Variants in LRGUK observed in about 807,000 individuals in gnomAD.
The protein encoded by LRGUK is leucine rich repeats and guanylate kinase domain containing, also known as leucine-rich repeat and guanylate kinase domain-containing protein.
LRGUK carries 65 observed loss-of-function variants against 76.0 expected under a neutral mutation model. That is an observed-to-expected ratio of 0.85 (90% CI 0.70 to 1.05). LRGUK has a LOEUF of 1.05. Ranked by LOEUF, LRGUK falls within the 50% of genes least tolerant of loss-of-function variation. The pLI is 0.00. For missense variants in LRGUK, 758 were observed against 732.8 expected, an observed-to-expected ratio of 1.03 and a Z score of -0.40; for synonymous variants, 268 against 265.6, an observed-to-expected ratio of 1.01 and a Z score of -0.09.
downstream of LRGUK, chr7:134,210,338 GC>G: frequency 2.5e-6 from 1 of 398,372 alleles, no homozygotes; most frequent in Non-Finnish European, 4.4e-6. Context: ...TTCCTGAGCC[GC>G]CCCACGCCGA....
intron 16 of LRGUK, among the ~76,000 whole-genome samples, chr7:134,223,269 C>G (rs1014382864): frequency 1.3e-5 from 2 of 152,176 alleles, no homozygotes; most frequent in Non-Finnish European, 2.9e-5. Flanking sequence ...CAACTTCCTT[C>G]CATCTCTTTA....
intron 6 of LRGUK, among the ~76,000 whole-genome samples, chr7:134,160,877 C>A (rs929022356): frequency 6.6e-6 from 1 of 152,158 alleles, no homozygotes; most frequent in African/African-American, 2.4e-5. Context: ...GTTTCAGAAG[C>A]TGGATGTCCA....
intron 8 of LRGUK, among the ~76,000 whole-genome samples, chr7:134,176,534 C>T (rs988908678): frequency 6.6e-6 from 1 of 152,016 alleles, no homozygotes; most frequent in African/African-American, 2.4e-5. Flanking sequence ...CACCTGCCAC[C>T]ATGCCTGGCT....
rs111984336 is a variant in LRGUK at position 134,202,363 on chromosome 7, A to G, written c.1843+787A>G. ...AACAGGTGTTGGCAAGGATGTGGAG[A>G]AATTGGAACCCTTGTGTGCTATTGG... On this transcript the variant is annotated intron_variant, in intron 15 of 15. Transcript: ENST00000645682. 7.9e-5 allele frequency among the ~76,000 whole-genome samples: 12 copies of G among 152,250 alleles called. 1 individual carries two copies. Among genetic ancestry groups the G allele is most frequent in the African/African-American group, 2.9e-4 (12 of 41,546 alleles).
Position 134,197,125 on chromosome 7 carries a change from C to A in LRGUK, c.1545+20C>A. On this transcript the variant is annotated intron_variant, in intron 13 of 15. Transcript: ENST00000645682. ...ATAGAAGTAAGTGTTTTCATTCAAC[C>A]AATTAATGTGTGTGTAGTTTGTGTG... The A allele has an allele frequency of 1.4e-6, 2 of 1,392,894 alleles. No individual in the cohort carries two copies. The highest frequency in any genetic ancestry group is 2.0e-6 in the Non-Finnish European group (2 of 980,202). The allele number at this position is 1,392,894 out of a possible 1,614,324, so 86.3% of individuals were successfully genotyped here. A position where few individuals can be genotyped will look rare whatever the true frequency, so the allele number is the denominator to read the frequency against.
intron 2 of LRGUK, among the ~76,000 whole-genome samples, chr7:134,138,698 C>T (rs974413083): frequency 1.3e-5 from 2 of 152,118 alleles, no homozygotes; most frequent in Non-Finnish European, 1.5e-5. Flanking sequence ...TTTCTGACTC[C>T]GCCATCACGA....
exon 16 of LRGUK, chr7:134,208,972 G>C (rs895510750): frequency 1.5e-5 from 6 of 398,956 alleles, no homozygotes; most frequent in African/African-American, 1.2e-4. Flanking sequence ...CATCAGCACT[G>C]GGTCTTCCTC....
At chr7:134,222,695 G>A (rs866404102) in intron 16 of LRGUK, among the ~76,000 whole-genome samples, 2 of 151,554 alleles carry the variant, frequency 1.3e-5, no homozygotes, top group South Asian at 4.2e-4. Flanking sequence ...CGCAACCTCC[G>A]CCTCCCAGGT....
At chr7:134,224,879 C>T (rs542037968) in intron 16 of LRGUK, among the ~76,000 whole-genome samples, 3 of 151,962 alleles carry the variant, frequency 2.0e-5, no homozygotes, top group South Asian at 2.1e-4. Context: ...GGTGAAACCC[C>T]GTCTCTACTG....
the LRGUK span, among the ~76,000 whole-genome samples, chr7:134,276,206 C>G: frequency 6.6e-6 from 1 of 152,214 alleles, no homozygotes; most frequent in South Asian, 2.1e-4. Flanking sequence ...ATTTCTATTT[C>G]TTGTAATGAC....
At chr7:134,248,586 T>C (rs1174628584) in intron 17 of LRGUK, among the ~76,000 whole-genome samples, 2 of 152,242 alleles carry the variant, frequency 1.3e-5, no homozygotes, top group Non-Finnish European at 2.9e-5. Flanking sequence ...TTCAAAGCAT[T>C]AGATTATAAA....
chr7:134,173,958 A>C (rs540451669), intron 7 of LRGUK, among the ~76,000 whole-genome samples: 1 of 152,156 alleles, frequency 6.6e-6, no homozygotes, highest in South Asian at 2.1e-4. Context: ...AAAATGCAAA[A>C]ATTATTTAGG....
chr7:134,207,792 G>A (rs1801069796), intron 15 of LRGUK, among the ~76,000 whole-genome samples: 1 of 152,210 alleles, frequency 6.6e-6, no homozygotes, highest in Non-Finnish European at 1.5e-5. Flanking sequence ...TTCCAGTCTG[G>A]TGTGCCACCT....
At chr7:134,153,246 G>C (rs1798306732) in intron 5 of LRGUK, among the ~76,000 whole-genome samples, 1 of 152,002 alleles carries the variant, frequency 6.6e-6, no homozygotes, top group African/African-American at 2.4e-5. Flanking sequence ...AATACTGACA[G>C]TGTAATTGTA....
rs528188866 is a variant in LRGUK, at chr7:134,173,986, G to A, written c.940-570G>A. On this transcript the variant is annotated intron_variant, in intron 7 of 15. Coordinates refer to ENST00000645682, the Ensembl canonical transcript of LRGUK. ...TATTTAGGCATGGTGGTGTGTGCCT[G>A]TAATCTCAGCTACTCAGGAGGCTGA... 5.9e-5 allele frequency among the ~76,000 whole-genome samples: 9 copies of A among 152,090 alleles called. No homozygotes were observed. The South Asian group carries it at 1.5e-3, about 25-fold the overall frequency.
intron 19 of LRGUK, among the ~76,000 whole-genome samples, chr7:134,262,230 T>C (rs1211791133): frequency 6.6e-6 from 1 of 151,950 alleles, no homozygotes; most frequent in Non-Finnish European, 1.5e-5. Context: ...AAAAAGTAGC[T>C]GAGTGTGTTG....
intron 16 of LRGUK, among the ~76,000 whole-genome samples, chr7:134,247,082 A>G (rs369067904): frequency 6.6e-6 from 1 of 152,214 alleles, no homozygotes; most frequent in East Asian, 1.9e-4. Flanking sequence ...CTAAAGAATG[A>G]TAGTGATATT....
At chr7:134,223,682 T>C (rs2117158944) in intron 16 of LRGUK, among the ~76,000 whole-genome samples, 1 of 152,330 alleles carries the variant, frequency 6.6e-6, no homozygotes, top group East Asian at 1.9e-4. Context: ...ACCACCATGG[T>C]TGACATGGAG....
Position 134,139,287 on chromosome 7 carries a change from A to G in LRGUK, c.406-149A>G, listed in dbSNP as rs142887722. 1,695 of 591,396 alleles carry G rather than the reference A, an allele frequency of 2.9e-3. 17 individuals are homozygous for G. Among genetic ancestry groups the G allele is most frequent in the African/African-American group, 0.016 (842 of 51,446 alleles). The allele number at this position is 591,396 out of a possible 1,614,324, so 36.6% of individuals were successfully genotyped here. A position where few individuals can be genotyped will look rare whatever the true frequency, so the allele number is the denominator to read the frequency against. On this transcript the variant is annotated intron_variant, in intron 2 of 15. Coordinates refer to ENST00000645682, the Ensembl canonical transcript of LRGUK. ...TTTATGGCATCTGTTTTGAGATCCT[A>G]TTAGTAGCAGGCTTCAGATTTTGTT...
Sources: gnomAD v4.1 joint callset for allele counts (sites outside exome capture counted in the v4.1 genomes callset) on GRCh38, gnomAD v4.1.1 for gene constraint, MANE v1.5 for transcripts, NCBI Gene and HGNC (gene_info 2026-07-23, HGNC 2026-07-21) for gene names.